Variants in RASSF5 observed in about 807,000 individuals in gnomAD.
RASSF5 encodes the protein Ras association domain family member 5.
Under a neutral mutation model 40.5 loss-of-function variants are expected in RASSF5, and 25 were observed. The ratio of observed to expected loss-of-function variants is 0.62; its 90% CI spans 0.45 to 0.86. The LOEUF (loss-of-function observed/expected upper bound fraction) is 0.86, where lower values mean the gene tolerates loss of function less well. Ranked by LOEUF, RASSF5 falls within the 40% of genes least tolerant of loss-of-function variation. The probability of loss-of-function intolerance (pLI) is 0.00; values close to 1 mark genes in which losing one functional copy is unlikely to be tolerated. For synonymous variants in RASSF5, 246 were observed against 252.4 expected, an observed-to-expected ratio of 0.97 and a Z score of 0.24; for missense variants, 521 against 572.8, an observed-to-expected ratio of 0.91 and a Z score of 0.92.
At chr1:206,526,239 T>C (rs141118569) in intron 1 of RASSF5, among the ~76,000 whole-genome samples, 22 of 148,586 alleles carry the variant, frequency 1.5e-4, no homozygotes, top group South Asian at 6.5e-4. Flanking sequence ...CATTGACCTT[T>C]CCTGTTTGCT....
chr1:206,507,654 G>A lies in RASSF5; in HGVS notation c.52G>A (p.Asp18Asn). The change falls in exon 1 of 6, where the codon GAC (aspartate) becomes AAC (asparagine). Residue 18 changes from aspartate to asparagine, a missense_variant. Transcript: ENST00000579436. ...GCAGCGCCCGTACCCGCTACTATTG[G>A]ACCCCGAGCCGCCGCGCTATCTACA... ...IGQRPYPLLL[D>N]PEPPRYLQSL... The A allele has an allele frequency of 6.5e-7, 1 of 1,529,246 alleles. No individual in the cohort carries two copies. 94.7% of individuals were successfully genotyped at this position (1,529,246 alleles called of 1,614,324 possible). A position where few individuals can be genotyped will look rare whatever the true frequency, so the allele number is the denominator to read the frequency against.
At chr1:206,551,457 C>T (rs1667838218) in intron 2 of RASSF5, among the ~76,000 whole-genome samples, 2 of 152,220 alleles carry the variant, frequency 1.3e-5, no homozygotes, top group Admixed American at 1.3e-4. Flanking sequence ...CCTTCACAGA[C>T]TCCTGCCACA....
intron 1 of RASSF5, among the ~76,000 whole-genome samples, chr1:206,508,918 G>T (rs1666540443): frequency 6.6e-6 from 1 of 152,082 alleles, no homozygotes; most frequent in African/African-American, 2.4e-5. Context: ...TCTCCTTGGG[G>T]GTTTATTATT....
intron 2 of RASSF5, among the ~76,000 whole-genome samples, chr1:206,555,794 G>C (rs1015138227): frequency 6.6e-6 from 1 of 152,242 alleles, no homozygotes; most frequent in Admixed American, 6.5e-5. Context: ...GAAGAAGACT[G>C]TGTGGGAGGA....
chr1:206,588,809 A>G lies in RASSF5; in HGVS notation c.*1831A>G, dbSNP rs1669238921. 2 of 152,864 alleles carry G rather than the reference A, an allele frequency of 1.3e-5. No individual in the cohort carries two copies. Among genetic ancestry groups the G allele is most frequent in the South Asian group, 4.1e-4 (2 of 4,826 alleles). 9.5% of individuals were successfully genotyped at this position (152,864 alleles called of 1,614,324 possible). A position where few individuals can be genotyped will look rare whatever the true frequency, so the allele number is the denominator to read the frequency against. On this transcript the variant is annotated 3_prime_UTR_variant, in exon 6 of 6. Transcript: ENST00000579436. ...TTTAGAAACTCTCTCCCTGCTGTAT[A>G]TTAAAGGGAGCAGGTGGAGAGTCAT...
At chr1:206,523,600 T>C (rs1490199127) in intron 1 of RASSF5, among the ~76,000 whole-genome samples, 1 of 102,182 alleles carries the variant, frequency 9.8e-6, no homozygotes, top group Non-Finnish European at 1.9e-5. Context: ...TAAAACCATA[T>C]ATATTTTATA....
In RASSF5 at chr1:206,540,238, G is replaced by C. The variant is rs551742085; in HGVS notation, c.579+1945G>C. On this transcript the variant is annotated intron_variant, in intron 2 of 5. Transcript: ENST00000579436. ...ACCCTGCCCTAGAGTGGGCTAGCCA[G>C]CTCCCAAGTGTGGCAGGCAAAAGGC... Among the ~76,000 whole-genome samples the C allele has an allele frequency of 8.9e-4, 135 of 152,360 alleles. 2 individuals are homozygous for C. The South Asian group carries it at 0.012, about 13-fold the overall frequency.
At chr1:206,562,597 C>G (rs1301543546) in intron 2 of RASSF5, among the ~76,000 whole-genome samples, 1 of 152,156 alleles carries the variant, frequency 6.6e-6, no homozygotes, top group Admixed American at 6.5e-5. Flanking sequence ...GATCAGAACT[C>G]GCATCTCCTT....
chr1:206,509,498 A>G (rs1255898806), intron 1 of RASSF5, among the ~76,000 whole-genome samples: 1 of 152,238 alleles, frequency 6.6e-6, no homozygotes, highest in Non-Finnish European at 1.5e-5. Context: ...ACTACAGTAG[A>G]ATCAAATGCA....
At chr1:206,585,389 C>G in intron 5 of RASSF5, 94 bp downstream of exon 5, 1 of 865,728 alleles carries the variant, frequency 1.2e-6, no homozygotes, top group Admixed American at 1.7e-5. Context: ...AGGTGGGAGC[C>G]ACGCAGCACG....
At chr1:206,541,344 A>G (rs782404070) in intron 2 of RASSF5, among the ~76,000 whole-genome samples, 14 of 152,222 alleles carry the variant, frequency 9.2e-5, no homozygotes, top group Non-Finnish European at 1.8e-4. Flanking sequence ...TTTGGCCTCA[A>G]CATTTCAAAA....
At chr1:206,539,567 G>A (rs1667495486) in intron 2 of RASSF5, among the ~76,000 whole-genome samples, 2 of 152,334 alleles carry the variant, frequency 1.3e-5, no homozygotes. Context: ...TTATAAGGGT[G>A]ATGCTGGATT....
At chr1:206,539,876 A>T (rs1265557525) in intron 2 of RASSF5, among the ~76,000 whole-genome samples, 1 of 152,106 alleles carries the variant, frequency 6.6e-6, no homozygotes, top group Non-Finnish European at 1.5e-5. Context: ...TCTGGTCTCA[A>T]TTTGCTTTTC....
rs570560657 is a variant in RASSF5 at position 206,586,579 on chromosome 1, A to G, written c.1105-247A>G. 3.7e-4 allele frequency: 145 copies of G among 394,430 alleles called. 2 individuals carry two copies. Among genetic ancestry groups the G allele is most frequent in the Middle Eastern group, 2.2e-3 (3 of 1,390 alleles). 24.4% of individuals were successfully genotyped at this position (394,430 alleles called of 1,614,324 possible). A position where few individuals can be genotyped will look rare whatever the true frequency, so the allele number is the denominator to read the frequency against. On this transcript the variant is annotated intron_variant, in intron 5 of 5. Coordinates refer to ENST00000579436, the MANE Select transcript of RASSF5 (RefSeq NM_182663.4). The stretch of plus-strand genomic sequence containing the variant: ...CAGAAACTTAAGATTATTGAGTTTC[A>G]AAATAAAAACATGGTTCATAGACTG...
intron 2 of RASSF5, among the ~76,000 whole-genome samples, chr1:206,553,871 C>T (rs1667914261): frequency 6.6e-6 from 1 of 152,176 alleles, no homozygotes; most frequent in Non-Finnish European, 1.5e-5. Context: ...GTATAGAGTT[C>T]AAGGACTTGG....
At position 206,554,891 on chromosome 1, in the gene RASSF5, C is replaced by T. The variant is rs900427939; in HGVS notation, c.579+16598C>T. Among the ~76,000 whole-genome samples the T allele has an allele frequency of 2.0e-5, 3 of 152,192 alleles. No individual in the cohort carries two copies. In the East Asian group the frequency reaches 5.8e-4, roughly 29 times the overall value. On this transcript the variant is annotated intron_variant, in intron 2 of 5. Coordinates refer to ENST00000579436, the MANE Select transcript of RASSF5 (RefSeq NM_182663.4). Reference sequence around the variant, plus strand: ...AGCACAGTCTCTGTTTTGCTGACTTCTTACACATGGCTTTCTTCCCAACCT... The same window carrying T: ...AGCACAGTCTCTGTTTTGCTGACTTTTTACACATGGCTTTCTTCCCAACCT...
chr1:206,522,325 T>G (rs1199518842), intron 1 of RASSF5, among the ~76,000 whole-genome samples: 2 of 152,302 alleles, frequency 1.3e-5, no homozygotes, highest in East Asian at 3.9e-4. Flanking sequence ...AAAGGTTTAG[T>G]TCTCTCCCTG....
chr1:206,508,117 C>A, intron 1 of RASSF5, 58 bp downstream of exon 1: 1 of 1,255,144 alleles, frequency 8.0e-7, no homozygotes, highest in Non-Finnish European at 1.0e-6. Flanking sequence ...GGGCGAAGGA[C>A]TGGGAGGGCC....
chr1:206,516,735 G>T (rs1465440268), intron 1 of RASSF5, among the ~76,000 whole-genome samples: 1 of 152,178 alleles, frequency 6.6e-6, no homozygotes, highest in African/African-American at 2.4e-5. Context: ...GGGATTACGG[G>T]CATCAGCCAC....
Sources: allele counts gnomAD v4.1 joint callset (sites outside exome capture counted in the v4.1 genomes callset), GRCh38; gene constraint gnomAD v4.1.1; transcripts MANE v1.5; gene names NCBI Gene and HGNC (gene_info 2026-07-23, HGNC 2026-07-21).